Variants in TMEM163 observed in about 807,000 individuals in gnomAD.
The protein encoded by TMEM163 is transmembrane protein 163.
In TMEM163, 17 loss-of-function variants were observed where a neutral mutation model predicts 29.3. The ratio of observed to expected loss-of-function variants is 0.58; its 90% confidence interval spans 0.40 to 0.87. TMEM163 has a LOEUF of 0.87. TMEM163 is among the 40% of genes least tolerant of loss of function. TMEM163 has a pLI of 0.00. For missense variants in TMEM163, 303 were observed against 381.5 expected (o/e 0.79, Z 1.71); for synonymous variants, 157 against 160.6 (o/e 0.98, Z 0.17).
chr2:134,508,482 GCC>G (rs1352192564), intron 4 of TMEM163, among the ~76,000 whole-genome samples: 3 of 150,248 alleles, frequency 2.0e-5, no homozygotes, highest in South Asian at 2.2e-4. Flanking sequence ...CTCCAGCTAA[GCC>G]CTCTTTCTCT....
intron 7 of TMEM163, among the ~76,000 whole-genome samples, chr2:134,457,497 C>A (rs1267325845): frequency 6.6e-6 from 1 of 152,250 alleles, no homozygotes; most frequent in Admixed American, 6.5e-5. Context: ...GCAGAGCACC[C>A]TTTAGAAATG....
intron 6 of TMEM163, among the ~76,000 whole-genome samples, chr2:134,462,928 G>A (rs1358528692): frequency 6.6e-6 from 1 of 152,200 alleles, no homozygotes; most frequent in Non-Finnish European, 1.5e-5. Context: ...GAGGTTTCCT[G>A]TACCCCAACT....
chr2:134,640,788 C>A (rs1171522638), intron 2 of TMEM163, among the ~76,000 whole-genome samples: 1 of 152,174 alleles, frequency 6.6e-6, no homozygotes, highest in Non-Finnish European at 1.5e-5. Context: ...TACCATGCAC[C>A]TTCAGATCAT....
At chr2:134,713,173 T>C (rs554024666) in intron 2 of TMEM163, 27 bp downstream of exon 2, 189 of 1,609,104 alleles carry the variant, frequency 1.2e-4, no homozygotes, top group Non-Finnish European at 1.5e-4. Flanking sequence ...GCAGCACATA[T>C]TGGCCGACGA....
intron 2 of TMEM163, among the ~76,000 whole-genome samples, chr2:134,638,460 C>G (rs1683155333): frequency 6.6e-6 from 1 of 152,148 alleles, no homozygotes; most frequent in Non-Finnish European, 1.5e-5. Context: ...GGCAGGATCA[C>G]AGACATCTGT....
intron 2 of TMEM163, among the ~76,000 whole-genome samples, chr2:134,661,929 CTTTTTTT>C (rs1328565759): frequency 8.3e-6 from 1 of 121,212 alleles, no homozygotes; most frequent in Admixed American, 9.4e-5. Flanking sequence ...AATTTTCTTT[CTTTTTTT>C]TTTTTTTTTT....
At chr2:134,575,382 G>A (rs373089846) in intron 2 of TMEM163, among the ~76,000 whole-genome samples, 8 of 152,216 alleles carry the variant, frequency 5.3e-5, no homozygotes, top group African/African-American at 1.9e-4. Context: ...GAGCCAGGCC[G>A]AGAATCGCCC....
chr2:134,565,564 C>T lies in TMEM163; in HGVS notation c.323-13473G>A, dbSNP rs192439579. Among the ~76,000 whole-genome samples the T allele has an allele frequency of 7.8e-3, 1,172 of 150,964 alleles. 20 individuals carry two copies. The highest frequency in any genetic ancestry group is 0.026 in the African/African-American group (1,085 of 41,038). On this transcript the variant is annotated intron_variant, in intron 2 of 7. Transcript: ENST00000281924. ...GAGGTTGCAGTGAGCCAAGACTGAGCCACTGCACTCCAGCCTGAGCGACTG... is the reference window on the plus strand; with the variant it reads ...GAGGTTGCAGTGAGCCAAGACTGAGTCACTGCACTCCAGCCTGAGCGACTG...
At chr2:134,567,504 C>T (rs975538514) in intron 2 of TMEM163, among the ~76,000 whole-genome samples, 6 of 152,070 alleles carry the variant, frequency 3.9e-5, no homozygotes, top group Admixed American at 3.3e-4. Context: ...CCAGCCTGAC[C>T]AACATGGTGA....
intron 2 of TMEM163, among the ~76,000 whole-genome samples, chr2:134,561,380 AT>A (rs374778206): frequency 0.17 from 22,546 of 136,314 alleles, 4,157 homozygotes; most frequent in African/African-American, 0.46. Context: ...ATTTTTTTGT[AT>A]TTTTTTTTAG....
At chr2:134,713,089 A>T (rs1421963018) in intron 2 of TMEM163, 111 bp downstream of exon 2, 38 of 1,483,368 alleles carry the variant, frequency 2.6e-5, no homozygotes, top group Non-Finnish European at 3.3e-5. Context: ...AATCTAAAAA[A>T]ATTTACTCAT....
At chr2:134,594,888 T>TC (rs1682032298) in intron 2 of TMEM163, among the ~76,000 whole-genome samples, 1 of 151,326 alleles carries the variant, frequency 6.6e-6, no homozygotes, top group Non-Finnish European at 1.5e-5. Context: ...TCTCTACTTC[T>TC]CTCTCTCTCC....
intron 2 of TMEM163, among the ~76,000 whole-genome samples, chr2:134,623,460 C>T (rs1574288511): frequency 6.6e-6 from 1 of 152,122 alleles, no homozygotes; most frequent in South Asian, 2.1e-4. Flanking sequence ...TCCAAACCAC[C>T]CTACTTTACT....
intron 1 of TMEM163, among the ~76,000 whole-genome samples, chr2:134,715,928 A>G (rs1158363308): frequency 6.6e-6 from 1 of 152,242 alleles, no homozygotes; most frequent in African/African-American, 2.4e-5. Context: ...AATACTAAGC[A>G]TAGTACTAAT....
intron 4 of TMEM163, among the ~76,000 whole-genome samples, chr2:134,545,058 T>C (rs1177244466): frequency 2.0e-5 from 3 of 151,992 alleles, no homozygotes; most frequent in Admixed American, 2.0e-4. Flanking sequence ...TGTGTGTGGA[T>C]GCAAACCTCT....
chr2:134,560,777 C>T (rs1681152010), intron 2 of TMEM163, among the ~76,000 whole-genome samples: 1 of 152,222 alleles, frequency 6.6e-6, no homozygotes, highest in African/African-American at 2.4e-5. Context: ...CCACACACCA[C>T]CAGACTAGCT....
intron 2 of TMEM163, among the ~76,000 whole-genome samples, chr2:134,564,966 G>A (rs746628634): frequency 5.3e-5 from 8 of 152,144 alleles, no homozygotes; most frequent in East Asian, 3.9e-4. Context: ...GGTCAGGTGC[G>A]GTGGTTCATG....
At position 134,585,615 on chromosome 2, in the gene TMEM163, A is replaced by G. The variant is rs570325892; in HGVS notation, c.323-33524T>C. Among the ~76,000 whole-genome samples the G allele has an allele frequency of 4.8e-3, 727 of 152,114 alleles. 7 individuals carry two copies. The highest frequency in any genetic ancestry group is 0.013 in the African/African-American group (545 of 41,490). Reference sequence around the variant, plus strand: ...AAATTAGCCGGGCGCGGTGGCGGGCACCTGTAGTCCCAGCTACTAGGGAGG... The same window carrying G: ...AAATTAGCCGGGCGCGGTGGCGGGCGCCTGTAGTCCCAGCTACTAGGGAGG... On this transcript the variant is annotated intron_variant, in intron 2 of 7. Coordinates refer to ENST00000281924, the MANE Select transcript of TMEM163 (RefSeq NM_030923.5).
chr2:134,488,420 C>T (rs1679358348), intron 5 of TMEM163, among the ~76,000 whole-genome samples: 1 of 152,174 alleles, frequency 6.6e-6, no homozygotes, highest in South Asian at 2.1e-4. Flanking sequence ...CATCTTTCTC[C>T]CGTGCTGGGT....
Sources: gnomAD v4.1 joint callset for allele counts (sites outside exome capture counted in the v4.1 genomes callset) on GRCh38, gnomAD v4.1.1 for gene constraint, MANE v1.5 for transcripts, NCBI Gene and HGNC (gene_info 2026-07-23, HGNC 2026-07-21) for gene names.